TMEM117: variants seen among roughly 807,000 people sequenced by gnomAD.
TMEM117 encodes transmembrane protein 117.
TMEM117 carries 27 observed loss-of-function variants against 52.4 expected under a neutral mutation model. That is an observed-to-expected ratio of 0.51 (90% CI 0.38 to 0.71). The LOEUF (loss-of-function observed/expected upper bound fraction) is 0.71. Ranked by LOEUF, TMEM117 falls within the 30% of genes least tolerant of loss-of-function variation. The pLI is 0.00. For missense variants in TMEM117, 556 were observed against 630.5 expected, an observed-to-expected ratio of 0.88 and a Z score of 1.26; for synonymous variants, 215 against 206.3, an observed-to-expected ratio of 1.04 and a Z score of -0.36.
rs554113555 is a variant in TMEM117 at position 44,207,758 on chromosome 12, T to A, written c.511-3532T>A. On this transcript the variant is annotated intron_variant, in intron 4 of 7. Transcript: ENST00000266534. ...TACATATTTTGTGCTCATAGGTGAT[T>A]AATAAGAAAACAAGGTGCAGAGAGG... Among the ~76,000 whole-genome samples, 12 of 151,812 alleles carry A rather than the reference T, an allele frequency of 7.9e-5. No individual in the cohort carries two copies. In the South Asian group the frequency reaches 2.5e-3, roughly 32 times the overall value.
At chr12:43,803,117 AAAT>A in the TMEM117 span, among the ~76,000 whole-genome samples, 4 of 152,186 alleles carry the variant, frequency 2.6e-5, no homozygotes, top group African/African-American at 9.6e-5. Flanking sequence ...GACAATGCAA[AAAT>A]AATGTGTGGC....
intron 5 of TMEM117, among the ~76,000 whole-genome samples, chr12:44,283,193 A>C (rs1950599008): frequency 6.6e-6 from 1 of 152,224 alleles, no homozygotes; most frequent in African/African-American, 2.4e-5. Context: ...CAGAAGGGAA[A>C]TGTGGGGTCA....
At chr12:44,195,081 T>C (rs1385870835) in intron 4 of TMEM117, among the ~76,000 whole-genome samples, 1 of 152,200 alleles carries the variant, frequency 6.6e-6, no homozygotes, top group Non-Finnish European at 1.5e-5. Flanking sequence ...CTCACTCTTC[T>C]GTAGGTCAAG....
At chr12:43,976,997 G>A (rs953704534) in intron 3 of TMEM117, among the ~76,000 whole-genome samples, 6 of 152,184 alleles carry the variant, frequency 3.9e-5, no homozygotes, top group African/African-American at 1.4e-4. Flanking sequence ...CTAGGGGTAT[G>A]TTAACCCCTT....
chr12:43,824,652 A>G, the TMEM117 span, among the ~76,000 whole-genome samples: 2 of 152,178 alleles, frequency 1.3e-5, no homozygotes, highest in African/African-American at 2.4e-5. Flanking sequence ...AAAGCCCTGT[A>G]GGGCCGGGCG....
At chr12:44,029,656 A>G (rs546130780) in intron 3 of TMEM117, among the ~76,000 whole-genome samples, 29 of 152,202 alleles carry the variant, frequency 1.9e-4, no homozygotes, top group African/African-American at 6.3e-4. Flanking sequence ...GGTAAAAATC[A>G]TTGTTTATTA....
intron 6 of TMEM117, among the ~76,000 whole-genome samples, chr12:44,327,110 GGGCTAC>G (rs1951206538): frequency 6.6e-6 from 1 of 151,828 alleles, no homozygotes; most frequent in African/African-American, 2.4e-5. Context: ...GTAGGTACTG[GGGCTAC>G]AAAGGTAATT....
At chr12:43,953,347 C>T (rs1453936092) in intron 3 of TMEM117, among the ~76,000 whole-genome samples, 1 of 152,076 alleles carries the variant, frequency 6.6e-6, no homozygotes, top group South Asian at 2.1e-4. Context: ...TTAAAAGACA[C>T]AGAATGGCAA....
At chr12:43,961,975 T>C (rs1945411113) in intron 3 of TMEM117, among the ~76,000 whole-genome samples, 1 of 152,230 alleles carries the variant, frequency 6.6e-6, no homozygotes, top group Non-Finnish European at 1.5e-5. Flanking sequence ...CAGGTTATCC[T>C]ATTTGTTATT....
At chr12:43,948,581 A>T (rs780173693) in intron 3 of TMEM117, among the ~76,000 whole-genome samples, 5 of 152,172 alleles carry the variant, frequency 3.3e-5, no homozygotes, top group Non-Finnish European at 7.3e-5. Context: ...AACCTCCTTT[A>T]TTCTTTAAGT....
At chr12:44,002,506 A>G (rs1157232782) in intron 3 of TMEM117, among the ~76,000 whole-genome samples, 1 of 152,072 alleles carries the variant, frequency 6.6e-6, no homozygotes, top group Non-Finnish European at 1.5e-5. Context: ...GGGACAAGGG[A>G]AATCTTTCTA....
chr12:43,972,149 G>A (rs1185429168), intron 3 of TMEM117, among the ~76,000 whole-genome samples: 2 of 152,194 alleles, frequency 1.3e-5, no homozygotes, highest in Non-Finnish European at 2.9e-5. Context: ...ATTTTATACT[G>A]GATCTTAGAT....
intron 5 of TMEM117, among the ~76,000 whole-genome samples, chr12:44,234,866 A>G (rs929629959): frequency 6.6e-6 from 1 of 151,488 alleles, no homozygotes; most frequent in Non-Finnish European, 1.5e-5. Context: ...ATCTCTTTAT[A>G]TATCATCACT....
At chr12:44,282,084 G>A (rs996212131) in intron 5 of TMEM117, among the ~76,000 whole-genome samples, 7 of 152,042 alleles carry the variant, frequency 4.6e-5, no homozygotes, top group Admixed American at 1.3e-4. Flanking sequence ...TTTATCAGGG[G>A]TTTCCACTTT....
intron 6 of TMEM117, among the ~76,000 whole-genome samples, chr12:44,329,048 C>T (rs1328260991): frequency 1.3e-5 from 2 of 151,738 alleles, no homozygotes; most frequent in Middle Eastern, 3.2e-3. Flanking sequence ...ATGGACTATC[C>T]CACCACAACC....
chr12:44,036,276 T>C (rs956251588), intron 3 of TMEM117, among the ~76,000 whole-genome samples: 1 of 152,212 alleles, frequency 6.6e-6, no homozygotes, highest in African/African-American at 2.4e-5. Flanking sequence ...AGAATAATAG[T>C]GAAAGGAACA....
At chr12:44,147,618 G>A (rs1037939781) in intron 4 of TMEM117, among the ~76,000 whole-genome samples, 3 of 151,932 alleles carry the variant, frequency 2.0e-5, no homozygotes, top group African/African-American at 7.3e-5. Flanking sequence ...GTATAGATAA[G>A]GTAAAACTGA....
the TMEM117 span, chr12:43,806,131 C>G: frequency 1.6e-5 from 25 of 1,527,766 alleles, no homozygotes; most frequent in Non-Finnish European, 2.1e-5. Context: ...GCTCCCGGCC[C>G]GACTCCAGCC....
At chr12:43,952,876 G>A (rs932729794) in intron 3 of TMEM117, among the ~76,000 whole-genome samples, 1 of 152,040 alleles carries the variant, frequency 6.6e-6, no homozygotes, top group Non-Finnish European at 1.5e-5. Context: ...AGAAAAAAAT[G>A]CTAAGGGCAG....
Sources: allele counts gnomAD v4.1 joint callset (sites outside exome capture counted in the v4.1 genomes callset), GRCh38; gene constraint gnomAD v4.1.1; transcripts MANE v1.5; gene names NCBI Gene and HGNC (gene_info 2026-07-23, HGNC 2026-07-21).